CFAP61: variants seen among roughly 807,000 people sequenced by gnomAD.
CFAP61 encodes the protein cilia and flagella associated protein 61, also known as cilia- and flagella-associated protein 61.
A neutral mutation model predicts 135.6 loss-of-function variants in CFAP61; 107 were observed. The observed-to-expected ratio is 0.79, with a 90% CI of 0.67 to 0.93. The LOEUF is 0.93. Ranked by LOEUF, CFAP61 falls within the 40% of genes least tolerant of loss-of-function variation. The probability of loss-of-function intolerance (pLI) is 0.00; values close to 1 mark genes in which losing one functional copy is unlikely to be tolerated. For missense variants in CFAP61, 1,507 were observed against 1,556.2 expected, an observed-to-expected ratio of 0.97 and a Z score of 0.53; for synonymous variants, 575 against 578.5, an observed-to-expected ratio of 0.99 and a Z score of 0.09.
intron 11 of CFAP61, among the ~76,000 whole-genome samples, chr20:20,166,007 G>A (rs1351267443): frequency 6.6e-6 from 1 of 152,180 alleles, no homozygotes; most frequent in East Asian, 1.9e-4. Flanking sequence ...GTTTGCCTAT[G>A]AATGTACATC....
intron 25 of CFAP61, among the ~76,000 whole-genome samples, chr20:20,305,471 G>A (rs899908563): frequency 6.6e-6 from 1 of 152,114 alleles, no homozygotes; most frequent in Non-Finnish European, 1.5e-5. Context: ...CTGTTTTTCC[G>A]GATTTATCAA....
At chr20:20,255,155 A>G (rs1267785240) in intron 20 of CFAP61, among the ~76,000 whole-genome samples, 1 of 152,194 alleles carries the variant, frequency 6.6e-6, no homozygotes, top group Non-Finnish European at 1.5e-5. Context: ...TCCAGACTCT[A>G]TAACTCCTTC....
chr20:20,189,620 A>G (rs999575188), intron 14 of CFAP61, among the ~76,000 whole-genome samples: 1 of 152,178 alleles, frequency 6.6e-6, no homozygotes, highest in Non-Finnish European at 1.5e-5. Flanking sequence ...AGCAAACCAC[A>G]GTGGAATATC....
At chr20:20,309,854 A>T (rs2122188719) in intron 25 of CFAP61, among the ~76,000 whole-genome samples, 2 of 152,218 alleles carry the variant, frequency 1.3e-5, no homozygotes, top group South Asian at 4.1e-4. Context: ...AACAGAAATC[A>T]TGTTTTATTA....
At chr20:20,358,746 T>A (rs145686175) in intron 26 of CFAP61, among the ~76,000 whole-genome samples, 8 of 152,350 alleles carry the variant, frequency 5.3e-5, no homozygotes, top group African/African-American at 1.4e-4. Context: ...CTTAGCCAAG[T>A]GGCAATGACT....
intron 8 of CFAP61, among the ~76,000 whole-genome samples, chr20:20,121,891 G>A (rs535667367): frequency 6.7e-6 from 1 of 149,496 alleles, no homozygotes; most frequent in South Asian, 2.1e-4. Flanking sequence ...TGTCCTTTAT[G>A]GCTAAGTGGT....
At chr20:20,283,079 C>T (rs533133898) in intron 22 of CFAP61, among the ~76,000 whole-genome samples, 3 of 152,140 alleles carry the variant, frequency 2.0e-5, no homozygotes, top group African/African-American at 4.8e-5. Flanking sequence ...CGGTGATGTT[C>T]GACGCTCATA....
chr20:20,141,907 T>C (rs1259842760), intron 8 of CFAP61, among the ~76,000 whole-genome samples: 1 of 152,126 alleles, frequency 6.6e-6, no homozygotes, highest in African/African-American at 2.4e-5. Flanking sequence ...CCAGGGTCCC[T>C]CCTACATCTG....
intron 8 of CFAP61, among the ~76,000 whole-genome samples, chr20:20,099,213 T>G (rs1454772857): frequency 6.6e-6 from 1 of 152,212 alleles, no homozygotes; most frequent in Non-Finnish European, 1.5e-5. Flanking sequence ...TTTATGCTTT[T>G]AAGTTTTAAT....
chr20:20,086,731 A>T (rs893549405), intron 6 of CFAP61, among the ~76,000 whole-genome samples: 5 of 152,328 alleles, frequency 3.3e-5, no homozygotes, highest in African/African-American at 1.2e-4. Context: ...TACATGCTAA[A>T]GAACTGCTAC....
intron 18 of CFAP61, among the ~76,000 whole-genome samples, chr20:20,233,683 A>G (rs1216041877): frequency 1.3e-5 from 2 of 152,222 alleles, no homozygotes; most frequent in African/African-American, 4.8e-5. Context: ...CCCTGGTGTC[A>G]CTAATCACAA....
chr20:20,245,838 C>T (rs1408148908), intron 18 of CFAP61, among the ~76,000 whole-genome samples: 1 of 152,166 alleles, frequency 6.6e-6, no homozygotes, highest in Non-Finnish European at 1.5e-5. Flanking sequence ...ACCTCCCTCC[C>T]AATTTGTTTT....
At chr20:20,352,036 T>C (rs2058853820) in intron 26 of CFAP61, among the ~76,000 whole-genome samples, 1 of 152,204 alleles carries the variant, frequency 6.6e-6, no homozygotes, top group Admixed American at 6.5e-5. Context: ...TTAGTCCATT[T>C]TCGCACTGTT....
intron 20 of CFAP61, among the ~76,000 whole-genome samples, chr20:20,252,961 G>A (rs1408840019): frequency 1.3e-5 from 2 of 152,138 alleles, no homozygotes; most frequent in Non-Finnish European, 2.9e-5. Flanking sequence ...TATTTTTCAG[G>A]TGCCCCACAT....
intron 10 of CFAP61, 49 bp from the exon 11 acceptor site, chr20:20,164,001 C>T (rs2053616273): frequency 1.4e-6 from 2 of 1,461,112 alleles, no homozygotes; most frequent in Admixed American, 1.9e-5. Context: ...CACTAAATTA[C>T]AGGGCATTGA....
At chr20:20,063,982 G>T (rs995740374) in intron 2 of CFAP61, among the ~76,000 whole-genome samples, 52 of 150,310 alleles carry the variant, frequency 3.5e-4, no homozygotes, top group African/African-American at 1.2e-3. Context: ...GCTCATTATG[G>T]GGTAAATTGT....
At chr20:20,351,170 C>G (rs2058820206) in intron 26 of CFAP61, among the ~76,000 whole-genome samples, 1 of 152,166 alleles carries the variant, frequency 6.6e-6, no homozygotes, top group South Asian at 2.1e-4. Flanking sequence ...GAAATTGTCT[C>G]TGTTTGCTGA....
chr20:20,334,932 C>A (rs146976143), intron 25 of CFAP61, among the ~76,000 whole-genome samples: 1 of 152,128 alleles, frequency 6.6e-6, no homozygotes, highest in African/African-American at 2.4e-5. Flanking sequence ...CCAAGCAAAC[C>A]CAGGAATAAC....
At chr20:20,118,558 C>T (rs2049361996) in intron 8 of CFAP61, among the ~76,000 whole-genome samples, 1 of 151,998 alleles carries the variant, frequency 6.6e-6, no homozygotes. Flanking sequence ...CCAGGTTGGT[C>T]TCGAACTCCT....
Sources: allele counts gnomAD v4.1 joint callset (sites outside exome capture counted in the v4.1 genomes callset), GRCh38; gene constraint gnomAD v4.1.1; transcripts MANE v1.5; gene names NCBI Gene and HGNC (gene_info 2026-07-23, HGNC 2026-07-21).